Variants in NOL4L observed in about 807,000 individuals in gnomAD.
The protein encoded by NOL4L is nucleolar protein 4-like.
Under a neutral mutation model 64.5 loss-of-function variants are expected in NOL4L, and 7 were observed. The observed-to-expected ratio is 0.11, with a 90% CI of 0.06 to 0.20. NOL4L has a LOEUF of 0.20. NOL4L is among the 10% of genes least tolerant of loss of function. The pLI, the probability that NOL4L is intolerant of heterozygous loss-of-function variation, is 1.00. For missense variants in NOL4L, 680 were observed against 967.1 expected (o/e 0.70, Z 3.94); for synonymous variants, 413 against 401.0 (o/e 1.03, Z -0.36).
intron 1 of NOL4L, among the ~76,000 whole-genome samples, chr20:32,550,085 G>T (rs558795738): frequency 6.6e-6 from 1 of 152,206 alleles, no homozygotes; most frequent in African/African-American, 2.4e-5. Context: ...CAATAAAAAG[G>T]AATGAAGTAC....
At chr20:32,573,146 C>T (rs1979868949) in intron 1 of NOL4L, among the ~76,000 whole-genome samples, 1 of 151,788 alleles carries the variant, frequency 6.6e-6, no homozygotes, top group Admixed American at 6.6e-5. Flanking sequence ...TCAAGTGTAG[C>T]TGGGACCACA....
At chr20:32,480,692 C>T (rs2015661323) in intron 4 of NOL4L, among the ~76,000 whole-genome samples, 1 of 152,236 alleles carries the variant, frequency 6.6e-6, no homozygotes, top group Admixed American at 6.5e-5. Context: ...CCCAACTTAA[C>T]CACTTCAGTT....
intron 4 of NOL4L, chr20:32,475,190 C>CA: frequency 1.0e-6 from 1 of 985,490 alleles, no homozygotes; most frequent in Non-Finnish European, 1.2e-6. Flanking sequence ...TGAGTGCCCC[C>CA]AGCAGGCCTG....
intron 3 of NOL4L, among the ~76,000 whole-genome samples, chr20:32,514,405 T>A (rs963827481): frequency 6.6e-6 from 1 of 151,710 alleles, no homozygotes; most frequent in Non-Finnish European, 1.5e-5. Context: ...GGCAGGAGAA[T>A]CACTGGAACC....
At chr20:32,509,920 TG>T (rs1218284507) in intron 4 of NOL4L, 2 of 1,304,244 alleles carry the variant, frequency 1.5e-6, no homozygotes. Flanking sequence ...CGAAGCCAGG[TG>T]CCGGAGACAG....
intron 4 of NOL4L, among the ~76,000 whole-genome samples, chr20:32,490,077 C>T (rs922212413): frequency 5.9e-5 from 8 of 134,818 alleles, no homozygotes; most frequent in Admixed American, 2.6e-4. Flanking sequence ...TGCAGTAAGC[C>T]GGGATCATGC....
At chr20:32,541,755 C>T (rs1000573857) in intron 1 of NOL4L, among the ~76,000 whole-genome samples, 1 of 152,262 alleles carries the variant, frequency 6.6e-6, no homozygotes, top group Non-Finnish European at 1.5e-5. Context: ...AATGGGCCAG[C>T]CTCCCCTCTG....
intron 4 of NOL4L, among the ~76,000 whole-genome samples, chr20:32,488,765 TCC>T (rs2016220792): frequency 3.6e-5 from 2 of 55,084 alleles, no homozygotes; most frequent in African/African-American, 1.5e-4. Flanking sequence ...CTTCCTTCCT[TCC>T]TTCCTTCCTT....
intron 4 of NOL4L, among the ~76,000 whole-genome samples, chr20:32,499,020 C>T (rs764138755): frequency 1.3e-5 from 2 of 152,000 alleles, no homozygotes; most frequent in East Asian, 1.9e-4. Context: ...CCTGGGATTA[C>T]AGGCTCCTGC....
At chr20:32,562,907 GAGAGTAGA>G (rs1979128555) in intron 1 of NOL4L, among the ~76,000 whole-genome samples, 1 of 87,890 alleles carries the variant, frequency 1.1e-5, no homozygotes. Flanking sequence ...GGAGGGGAGG[GAGAGTAGA>G]GGGGAGAGAG....
chr20:32,509,211 G>A lies in NOL4L; in HGVS notation c.699+2136C>T, dbSNP rs533371128. ...CTGGGCATTTGTGTGGGATCCTCTG[G>A]CTGGTGTCTGTCTCCCCTAGATCAG... On this transcript the variant is annotated intron_variant, in intron 4 of 10. Coordinates refer to ENST00000621426, the MANE Select transcript of NOL4L (RefSeq NM_001256798.2). Among the ~76,000 whole-genome samples the A allele has an allele frequency of 9.2e-5, 14 of 152,198 alleles. No homozygotes were observed. The South Asian group carries it at 2.7e-3, about 29-fold the overall frequency.
chr20:32,505,582 T>C (rs1308654005), intron 4 of NOL4L, among the ~76,000 whole-genome samples: 1 of 152,014 alleles, frequency 6.6e-6, no homozygotes, highest in Non-Finnish European at 1.5e-5. Context: ...TAGCTAGATG[T>C]GGTGGTGCTC....
chr20:32,450,251 CTGAT>C (rs1410774752), intron 10 of NOL4L: 1 of 152,300 alleles, frequency 6.6e-6, no homozygotes, highest in Non-Finnish European at 1.5e-5. Flanking sequence ...AGGTACCAAA[CTGAT>C]TGAACAATAC....
intron 1 of NOL4L, among the ~76,000 whole-genome samples, chr20:32,548,283 T>C (rs1236422578): frequency 6.6e-6 from 1 of 152,194 alleles, no homozygotes; most frequent in Admixed American, 6.5e-5. Context: ...CAACAGATGC[T>C]CATTCAAGAT....
intron 1 of NOL4L, among the ~76,000 whole-genome samples, chr20:32,541,719 G>A (rs895228108): frequency 1.2e-4 from 19 of 152,252 alleles, no homozygotes; most frequent in Non-Finnish European, 2.5e-4. Context: ...GTCTGCCCGC[G>A]GCACCCGCGC....
chr20:32,581,664 G>T (rs1382499580), intron 1 of NOL4L, among the ~76,000 whole-genome samples: 1 of 152,138 alleles, frequency 6.6e-6, no homozygotes, highest in Non-Finnish European at 1.5e-5. Flanking sequence ...AGCCCCCATG[G>T]GCTTCTTTAT....
At chr20:32,491,114 C>T (rs568998475) in intron 4 of NOL4L, among the ~76,000 whole-genome samples, 79 of 152,340 alleles carry the variant, frequency 5.2e-4, no homozygotes, top group Non-Finnish European at 9.3e-4. Flanking sequence ...ACAATACAGA[C>T]TCAGGGTTGA....
intron 3 of NOL4L, among the ~76,000 whole-genome samples, chr20:32,512,435 C>T (rs2017450377): frequency 6.6e-6 from 1 of 152,222 alleles, no homozygotes; most frequent in Non-Finnish European, 1.5e-5. Flanking sequence ...CAGTAGCCCC[C>T]AAATTCTGGT....
chr20:32,475,423 C>T (rs928716029), intron 4 of NOL4L: 6 of 810,532 alleles, frequency 7.4e-6, no homozygotes, highest in Non-Finnish European at 9.0e-6. Flanking sequence ...GCTCAAGGGC[C>T]TGGGGGGCCG....
Sources: gnomAD v4.1 joint callset for allele counts (sites outside exome capture counted in the v4.1 genomes callset) on GRCh38, gnomAD v4.1.1 for gene constraint, MANE v1.5 for transcripts, NCBI Gene and HGNC (gene_info 2026-07-23, HGNC 2026-07-21) for gene names.